The following MFSD6 variants were observed in gnomAD, a reference collection of about 807,000 sequenced individuals.
MFSD6 encodes the protein major facilitator superfamily domain-containing protein 6.
MFSD6 carries 26 observed loss-of-function variants against 56.3 expected under a neutral mutation model. The ratio of observed to expected loss-of-function variants is 0.46; its 90% CI spans 0.34 to 0.64. The LOEUF (loss-of-function observed/expected upper bound fraction) is 0.64, where lower values mean the gene tolerates loss of function less well. Ranked by LOEUF, MFSD6 falls within the 30% of genes least tolerant of loss-of-function variation. The pLI is 0.01. For synonymous variants in MFSD6, 331 were observed against 366.9 expected (o/e 0.90, Z 1.12); for missense variants, 750 against 986.2 (o/e 0.76, Z 3.21).
intron 4 of MFSD6, among the ~76,000 whole-genome samples, chr2:190,470,615 C>T (rs1687865517): frequency 6.6e-6 from 1 of 152,184 alleles, no homozygotes; most frequent in Non-Finnish European, 1.5e-5. Context: ...ATTAATTGCA[C>T]TAAACAGTCT....
chr2:190,426,052 C>G lies in MFSD6; in HGVS notation c.-53-9925C>G, dbSNP rs1671398097. ...TGTGGGCATTTTGTTTTAGTTTTAT[C>G]CTGTTGGGATTGCTCAGCTTCTGGA... On this transcript the variant is annotated intron_variant, in intron 2 of 7. Coordinates refer to ENST00000392328, the MANE Select transcript of MFSD6 (RefSeq NM_017694.4). The surrounding 1 kb of genome is among the most constrained non-coding windows in gnomAD (Gnocchi z 4.7). Among the ~76,000 whole-genome samples the G allele has an allele frequency of 6.6e-6, 1 of 152,042 alleles. No homozygotes were observed. Among genetic ancestry groups the G allele is most frequent in the Non-Finnish European group, 1.5e-5 (1 of 67,998 alleles).
In MFSD6 at chr2:190,427,739, C is replaced by CA. The variant is rs1393762460; in HGVS notation, c.-53-8238_-53-8237insA. Among the ~76,000 whole-genome samples, 12 of 140,480 alleles carry CA rather than the reference C, an allele frequency of 8.5e-5. No homozygotes were observed. In the East Asian group the frequency reaches 2.5e-3, roughly 29 times the overall value. 92.2% of individuals were successfully genotyped at this position (140,480 alleles called of 152,430 possible). ...AAGAAGTCTACCACTTTTTTTTTTTCTTTTTTTTTGAGACAGAGTTTCACT... is the reference window on the plus strand; with the variant it reads ...AAGAAGTCTACCACTTTTTTTTTTTCATTTTTTTTTGAGACAGAGTTTCACT... On this transcript the variant is annotated intron_variant, in intron 2 of 7. Coordinates refer to ENST00000392328, the MANE Select transcript of MFSD6 (RefSeq NM_017694.4).
intron 3 of MFSD6, among the ~76,000 whole-genome samples, chr2:190,448,748 C>A (rs1480202990): frequency 6.6e-6 from 1 of 152,146 alleles, no homozygotes; most frequent in African/African-American, 2.4e-5. Flanking sequence ...GGATGGGGAA[C>A]AAAGGGGACC....
At position 190,412,330 on chromosome 2, in the gene MFSD6, A is replaced by G. The variant is rs1277609006; in HGVS notation, c.-175-2962A>G. The G allele has an allele frequency of 2.0e-6, 2 of 984,000 alleles. No individual in the cohort carries two copies. The highest frequency in any genetic ancestry group is 3.5e-5 in the African/African-American group (2 of 57,212). The allele number at this position is 984,000 out of a possible 1,614,324, so 61.0% of individuals were successfully genotyped here. A position where few individuals can be genotyped will look rare whatever the true frequency, so the allele number is the denominator to read the frequency against. ...TGTAAAAGTATTTTACAGAAGAGAT[A>G]TTCTCACAATTTTAGGTATTATCCA... is the stretch of plus-strand genomic sequence containing the variant. On this transcript the variant is annotated intron_variant, in intron 1 of 7. Coordinates refer to ENST00000392328, the MANE Select transcript of MFSD6 (RefSeq NM_017694.4). This position sits in a 1 kb window ranked among gnomAD's most constrained non-coding sequence, Gnocchi z 4.1.
In MFSD6 at chr2:190,418,152, C is replaced by T. The variant is rs1575817004; in HGVS notation, c.-54+2739C>T. On this transcript the variant is annotated intron_variant, in intron 2 of 7. Coordinates refer to ENST00000392328, the MANE Select transcript of MFSD6 (RefSeq NM_017694.4). The surrounding 1 kb of genome is among the most constrained non-coding windows in gnomAD (Gnocchi z 4.1). The stretch of plus-strand genomic sequence containing the variant: ...GCTAAGAGCAGCACTGCTACTCATT[C>T]CCTATGTGACTTTGGGCTGGTTATT... Among the ~76,000 whole-genome samples, 1 of 152,212 alleles carries T rather than the reference C, an allele frequency of 6.6e-6. No individual in the cohort carries two copies. The highest frequency in any genetic ancestry group is 1.9e-4 in the East Asian group (1 of 5,186).
rs1690813105 is a variant in MFSD6, at chr2:190,417,219, T to A, written c.-54+1806T>A. On this transcript the variant is annotated intron_variant, in intron 2 of 7. Coordinates refer to ENST00000392328, the MANE Select transcript of MFSD6 (RefSeq NM_017694.4). This position sits in a 1 kb window ranked among gnomAD's most constrained non-coding sequence, Gnocchi z 5.7. ...ATATAGTGAATTCATAAAGTACTGT[T>A]TGTTCTGAAATGATACCATCACAGG... 6.6e-6 allele frequency among the ~76,000 whole-genome samples: 1 copy of A among 152,200 alleles called. No individual in the cohort carries two copies. The highest frequency in any genetic ancestry group is 2.4e-5 in the African/African-American group (1 of 41,450).
At position 190,437,152 on chromosome 2, in the gene MFSD6, T is replaced by C; in HGVS notation, c.1123T>C (p.Phe375Leu). 6.2e-7 allele frequency: 1 copy of C among 1,614,262 alleles called. No individual in the cohort carries two copies. Among genetic ancestry groups the C allele is most frequent in the East Asian group, 2.2e-5 (1 of 44,886 alleles). Residue 375 changes from phenylalanine to leucine, a missense_variant, in exon 3 of 8, where the codon TTC becomes CTC. This residue lies in a region of MFSD6 where 376 missense variants were observed against 437.9 expected (regional missense o/e 0.86). Transcript: ENST00000392328. This position sits in a 1 kb window ranked among gnomAD's most constrained non-coding sequence, Gnocchi z 5.9. ...YRNYQIVFIV[F>L]GVLMTMALIV... ...GAATTACCAGATCGTCTTCATCGTC[T>C]TCGGCGTTCTCATGACCATGGCCTT... is the stretch of plus-strand genomic sequence containing the variant.
chr2:190,414,167 A>G (rs796701233), intron 1 of MFSD6, among the ~76,000 whole-genome samples: 19 of 152,194 alleles, frequency 1.2e-4, no homozygotes, highest in African/African-American at 4.1e-4. Context: ...TAACTAATGC[A>G]TGTGGGGCTT....
chr2:190,466,145 T>C (rs1402542232), intron 3 of MFSD6, among the ~76,000 whole-genome samples: 1 of 152,296 alleles, frequency 6.6e-6, no homozygotes, highest in South Asian at 2.1e-4. Context: ...ACACCAGTTA[T>C]ATTGGATTAG....
chr2:190,470,006 C>A, intron 4 of MFSD6, 151 bp downstream of exon 4: 1 of 571,622 alleles, frequency 1.7e-6, no homozygotes, highest in Non-Finnish European at 3.0e-6. Context: ...GAGATGACAT[C>A]AGGAGGGATG....
In MFSD6 at chr2:190,497,820, A is replaced by AATG; in HGVS notation, c.2172+102_2172+103insTGA. On this transcript the variant is annotated intron_variant, in intron 7 of 7. Coordinates refer to ENST00000392328, the MANE Select transcript of MFSD6 (RefSeq NM_017694.4). The surrounding 1 kb of genome is among the most constrained non-coding windows in gnomAD (Gnocchi z 5.2). Reference sequence around the variant, plus strand: ...ACTTTTCATTCAACAAGATTTATTGAAAGTCTGGTGGGGGAAATAGACATG... The same window carrying AATG: ...ACTTTTCATTCAACAAGATTTATTGAATGAAGTCTGGTGGGGGAAATAGACATG... 7.3e-7 allele frequency: 1 copy of AATG among 1,370,636 alleles called. No homozygotes were observed. The highest frequency in any genetic ancestry group is 1.0e-6 in the Non-Finnish European group (1 of 1,004,248). The allele number at this position is 1,370,636 out of a possible 1,614,324, so 84.9% of individuals were successfully genotyped here.
rs114772198 is a variant in MFSD6, at chr2:190,413,692, C to T, written c.-175-1600C>T. Among the ~76,000 whole-genome samples, 1,416 of 152,208 alleles carry T rather than the reference C, an allele frequency of 9.3e-3. 31 individuals are homozygous for T. Among genetic ancestry groups the T allele is most frequent in the African/African-American group, 0.032 (1,332 of 41,528 alleles). On this transcript the variant is annotated intron_variant, in intron 1 of 7. Coordinates refer to ENST00000392328, the MANE Select transcript of MFSD6 (RefSeq NM_017694.4). This position sits in a 1 kb window ranked among gnomAD's most constrained non-coding sequence, Gnocchi z 4.1. ...AACCGTGCCAAAGGAAAGTGAGTGGCGAGCCTGGACTGGTAGTTAGCAGTC... is the reference window on the plus strand; with the variant it reads ...AACCGTGCCAAAGGAAAGTGAGTGGTGAGCCTGGACTGGTAGTTAGCAGTC...
intron 3 of MFSD6, among the ~76,000 whole-genome samples, chr2:190,446,106 A>G (rs866858625): frequency 1.3e-5 from 2 of 152,184 alleles, no homozygotes; most frequent in African/African-American, 2.4e-5. Flanking sequence ...GCACTCTCCA[A>G]AAGTGAATGA....
chr2:190,469,708 A>G lies in MFSD6; in HGVS notation c.1533-50A>G. Reference sequence around the variant, plus strand: ...AGATTGTATATTAGGGACTCAGTTTATTTTCCTTTGCTTTTTTTTATTTTA... The same window carrying G: ...AGATTGTATATTAGGGACTCAGTTTGTTTTCCTTTGCTTTTTTTTATTTTA... On this transcript the variant is annotated intron_variant, in intron 3 of 7. Transcript: ENST00000392328. The surrounding 1 kb of genome is among the most constrained non-coding windows in gnomAD (Gnocchi z 5.3). 2 of 1,138,080 alleles carry G rather than the reference A, an allele frequency of 1.8e-6. No individual in the cohort carries two copies. Among genetic ancestry groups the G allele is most frequent in the East Asian group, 2.9e-5 (1 of 34,408 alleles). The allele number at this position is 1,138,080 out of a possible 1,614,324, so 70.5% of individuals were successfully genotyped here.
chr2:190,473,970 G>A (rs1688118820), intron 4 of MFSD6, among the ~76,000 whole-genome samples: 1 of 152,118 alleles, frequency 6.6e-6, no homozygotes, highest in Non-Finnish European at 1.5e-5. Flanking sequence ...TGACTACTGG[G>A]TACATAAGGA....
At position 190,409,483 on chromosome 2, in the gene MFSD6, G is replaced by T. The variant is rs78113906; in HGVS notation, c.-176+980G>T. ...TCCCAACTGGTATTTAAATAGATGT[G>T]TGTGCTTGGGCATGTCACATCTTCC... On this transcript the variant is annotated intron_variant, in intron 1 of 7. Coordinates refer to ENST00000392328, the MANE Select transcript of MFSD6 (RefSeq NM_017694.4). Among the ~76,000 whole-genome samples, 66 of 152,270 alleles carry T rather than the reference G, an allele frequency of 4.3e-4. No individual in the cohort carries two copies. In the East Asian group the frequency reaches 0.012, roughly 27 times the overall value.
Position 190,423,494 on chromosome 2 carries a change from A to G in MFSD6, c.-54+8081A>G, listed in dbSNP as rs927985557. Reference sequence around the variant, plus strand: ...CCTTTTTATTGCTGCATAATATCCCATAGTAAAGCTGTAGTACAATTTGTT... The same window carrying G: ...CCTTTTTATTGCTGCATAATATCCCGTAGTAAAGCTGTAGTACAATTTGTT... On this transcript the variant is annotated intron_variant, in intron 2 of 7. Coordinates refer to ENST00000392328, the MANE Select transcript of MFSD6 (RefSeq NM_017694.4). This position sits in a 1 kb window ranked among gnomAD's most constrained non-coding sequence, Gnocchi z 4.3. Among the ~76,000 whole-genome samples, 1 of 152,192 alleles carries G rather than the reference A, an allele frequency of 6.6e-6. No homozygotes were observed. Among genetic ancestry groups the G allele is most frequent in the Non-Finnish European group, 1.5e-5 (1 of 68,032 alleles).
At position 190,465,779 on chromosome 2, in the gene MFSD6, G is replaced by C. The variant is rs1342076331; in HGVS notation, c.1533-3979G>C. On this transcript the variant is annotated intron_variant, in intron 3 of 7. Coordinates refer to ENST00000392328, the MANE Select transcript of MFSD6 (RefSeq NM_017694.4). The surrounding 1 kb of genome is among the most constrained non-coding windows in gnomAD (Gnocchi z 4.6). ...AGGCCGAGGCAGGTGGATCACTTTA[G>C]GTTTGGAGTTCAAGACCAGCCTGGC... 6.6e-6 allele frequency among the ~76,000 whole-genome samples: 1 copy of C among 152,064 alleles called. No homozygotes were observed. The highest frequency in any genetic ancestry group is 6.6e-5 in the Admixed American group (1 of 15,262).
Position 190,433,796 on chromosome 2 carries a change from A to G in MFSD6, c.-53-2181A>G, listed in dbSNP as rs1686084015. On this transcript the variant is annotated intron_variant, in intron 2 of 7. Coordinates refer to ENST00000392328, the MANE Select transcript of MFSD6 (RefSeq NM_017694.4). This position sits in a 1 kb window ranked among gnomAD's most constrained non-coding sequence, Gnocchi z 4.5. ...AGATTAAAAAATGCTTACAAGTATA[A>G]TTTTAGAAGGTTTTTCAGAATGTTA... 6.6e-6 allele frequency among the ~76,000 whole-genome samples: 1 copy of G among 152,178 alleles called. No homozygotes were observed. Among genetic ancestry groups the G allele is most frequent in the East Asian group, 1.9e-4 (1 of 5,204 alleles).
Sources: allele counts gnomAD v4.1 joint callset (sites outside exome capture counted in the v4.1 genomes callset), GRCh38; gene constraint gnomAD v4.1.1; regional missense constraint gnomAD v4.1.1; non-coding constraint Gnocchi (gnomAD v3.1); transcripts MANE v1.5; gene names NCBI Gene and HGNC (gene_info 2026-07-23, HGNC 2026-07-21).